Variants in LANCL2 observed in about 807,000 individuals in gnomAD.
The protein encoded by LANCL2 is lanC-like protein 2.
In LANCL2, 33 loss-of-function variants were observed where a neutral mutation model predicts 56.9. The ratio of observed to expected loss-of-function variants is 0.58; its 90% confidence interval spans 0.44 to 0.78. LANCL2 has a LOEUF of 0.78. LANCL2 is among the 30% of genes least tolerant of loss of function. The pLI, the probability that LANCL2 is intolerant of heterozygous loss-of-function variation, is 0.00. For missense variants in LANCL2, 562 were observed against 580.2 expected (o/e 0.97, Z 0.32); for synonymous variants, 233 against 228.2 (o/e 1.02, Z -0.19).
At chr7:55,405,991 A>G (rs1790402157) in intron 5 of LANCL2, among the ~76,000 whole-genome samples, 3 of 152,124 alleles carry the variant, frequency 2.0e-5, no homozygotes, top group Non-Finnish European at 4.4e-5. Flanking sequence ...TGTGGAAAGG[A>G]GGGCTTTGTT....
At chr7:55,378,378 T>G (rs1790026710) in intron 1 of LANCL2, among the ~76,000 whole-genome samples, 3 of 152,086 alleles carry the variant, frequency 2.0e-5, no homozygotes. Context: ...AAGAATCACT[T>G]GAACCCAGGA....
In LANCL2 at chr7:55,431,299, T is replaced by G; in HGVS notation, c.1332T>G (p.Leu444=). 6.2e-7 allele frequency: 1 copy of G among 1,613,728 alleles called. No individual in the cohort carries two copies. Among genetic ancestry groups the G allele is most frequent in the Non-Finnish European group, 8.5e-7 (1 of 1,179,796 alleles). Residue 444 remains leucine, a synonymous_variant, in exon 9 of 9, where the codon CTT becomes CTG. Coordinates refer to ENST00000254770, the MANE Select transcript of LANCL2 (RefSeq NM_018697.4). The part of the protein sequence containing the change: ...PETSRFPAFE[L]DSSKRD ...CATCACGGTTTCCAGCATTTGAACT[T>G]GACTCTTCGAAGAGGGATTAAAAGG...
rs574291860 is a variant in LANCL2 at position 55,366,622 on chromosome 7, G to A, written c.204+393G>A. Among the ~76,000 whole-genome samples, 3 of 152,292 alleles carry A rather than the reference G, an allele frequency of 2.0e-5. No individual in the cohort carries two copies. The East Asian group carries it at 5.8e-4, about 30-fold the overall frequency. ...GTGGCCTGGAGGCTGGATTTCCTTGGCCATATCTGGTCCCTGGGCTCTCGC... is the reference window on the plus strand; with the variant it reads ...GTGGCCTGGAGGCTGGATTTCCTTGACCATATCTGGTCCCTGGGCTCTCGC... On this transcript the variant is annotated intron_variant, in intron 1 of 8. Coordinates refer to ENST00000254770, the MANE Select transcript of LANCL2 (RefSeq NM_018697.4).
At chr7:55,401,545 A>ATTT (rs1562863981) in intron 5 of LANCL2, among the ~76,000 whole-genome samples, 19 of 31,874 alleles carry the variant, frequency 6.0e-4, no homozygotes, top group Admixed American at 1.6e-3. Context: ...TTTTTTTCCA[A>ATTT]TTTTCTTTTT....
chr7:55,373,922 T>A (rs148143299), intron 1 of LANCL2, among the ~76,000 whole-genome samples: 34 of 152,358 alleles, frequency 2.2e-4, no homozygotes, highest in African/African-American at 7.7e-4. Context: ...CAAATTTTGC[T>A]TGAATAGAAT....
chr7:55,391,174 G>A (rs531259624), intron 1 of LANCL2, among the ~76,000 whole-genome samples: 64 of 144,150 alleles, frequency 4.4e-4, no homozygotes, highest in Middle Eastern at 3.5e-3. Context: ...CCGCCACCAC[G>A]CCCGGCTAAT....
rs1790735093 is a variant in LANCL2 at position 55,431,976 on chromosome 7, G to A, written c.*656G>A. ...CAGCTCTGTCAGGGCCCCATTCCCA[G>A]CAGAGGCTTCAGGTGCTTTGTGTAG... On this transcript the variant is annotated 3_prime_UTR_variant, in exon 9 of 9. Transcript: ENST00000254770. 1 of 152,232 alleles carries A rather than the reference G, an allele frequency of 6.6e-6. No individual in the cohort carries two copies. The allele number at this position is 152,232 out of a possible 1,614,324, so 9.4% of individuals were successfully genotyped here.
Position 55,398,440 on chromosome 7 carries a change from C to A in LANCL2, c.340C>A (p.Leu114Met). 1 of 1,613,868 alleles carries A rather than the reference C, an allele frequency of 6.2e-7. No individual in the cohort carries two copies. Among genetic ancestry groups the A allele is most frequent in the Non-Finnish European group, 8.5e-7 (1 of 1,179,780 alleles). The part of the protein sequence containing the change: ...TGWTGIALLY[L>M]QLYRVTCDQT... ...TATTCCAGGCATAGCCCTTTTGTAC[C>A]TGCAGTTGTACCGGGTCACATGTGA... Residue 114 changes from leucine to methionine, a missense_variant, in exon 3 of 9, where the codon CTG becomes ATG. By Grantham distance (15) the Leu-to-Met change is conservative. Transcript: ENST00000254770.
In LANCL2 at chr7:55,415,621, C is replaced by CTTTTTTTTTT. The variant is rs71031852; in HGVS notation, c.1008+3540_1008+3541insTTTTTTTTTT. On this transcript the variant is annotated intron_variant, in intron 6 of 8. Coordinates refer to ENST00000254770, the MANE Select transcript of LANCL2 (RefSeq NM_018697.4). ...CCATAGTTTATCATTGTTTTTCTTT[C>CTTTTTTTTTT]TTTTTTTTGAGACACAGTGTCGCTC... Among the ~76,000 whole-genome samples, 12 of 111,804 alleles carry CTTTTTTTTTT rather than the reference C, an allele frequency of 1.1e-4. 1 individual carries two copies. The highest frequency in any genetic ancestry group is 4.4e-4 in the Admixed American group (4 of 9,008). 73.3% of individuals were successfully genotyped at this position (111,804 alleles called of 152,430 possible).
At chr7:55,393,368 C>CT (rs1192471374) in intron 2 of LANCL2, among the ~76,000 whole-genome samples, 8 of 152,120 alleles carry the variant, frequency 5.3e-5, no homozygotes, top group Non-Finnish European at 1.2e-4. Context: ...CCTGTCTCTA[C>CT]TAAAAATACG....
chr7:55,423,473 A>G (rs1392254443), intron 6 of LANCL2, among the ~76,000 whole-genome samples: 3 of 152,206 alleles, frequency 2.0e-5, no homozygotes, highest in Non-Finnish European at 4.4e-5. Flanking sequence ...CTTCTCACCC[A>G]TTAGCTTTGA....
chr7:55,407,206 A>C (rs1200787212), intron 5 of LANCL2, among the ~76,000 whole-genome samples: 3 of 152,200 alleles, frequency 2.0e-5, no homozygotes, highest in Admixed American at 6.5e-5. Flanking sequence ...AATTCAGGAA[A>C]GCCAGATGTA....
At chr7:55,376,441 C>G (rs1054254103) in intron 1 of LANCL2, among the ~76,000 whole-genome samples, 6 of 152,170 alleles carry the variant, frequency 3.9e-5, no homozygotes, top group African/African-American at 1.4e-4. Flanking sequence ...TCAGGGCCTT[C>G]TAGTCCACAC....
chr7:55,385,389 G>A (rs6593243), intron 1 of LANCL2, among the ~76,000 whole-genome samples: 1 of 152,012 alleles, frequency 6.6e-6, no homozygotes, highest in African/African-American at 2.4e-5. Flanking sequence ...CAGGGGACCT[G>A]CCCCGATAAT....
chr7:55,427,266 C>T (rs1205840558), intron 7 of LANCL2, among the ~76,000 whole-genome samples: 1 of 152,162 alleles, frequency 6.6e-6, no homozygotes, highest in Admixed American at 6.5e-5. Flanking sequence ...AGCCTCAGCA[C>T]TAATATTTTT....
intron 5 of LANCL2, among the ~76,000 whole-genome samples, chr7:55,401,550 C>CTTTTT (rs58797958): frequency 3.9e-5 from 2 of 51,310 alleles, no homozygotes; most frequent in East Asian, 6.4e-4. Flanking sequence ...TTCCAATTTT[C>CTTTTT]TTTTTTTTTT....
At chr7:55,391,297 C>T (rs1157546773) in intron 1 of LANCL2, among the ~76,000 whole-genome samples, 1 of 152,076 alleles carries the variant, frequency 6.6e-6, no homozygotes, top group Admixed American at 6.5e-5. Flanking sequence ...GGATTACAGG[C>T]GTGAGCCACC....
intron 1 of LANCL2, among the ~76,000 whole-genome samples, chr7:55,366,762 C>T (rs994354133): frequency 6.6e-6 from 1 of 152,186 alleles, no homozygotes; most frequent in Non-Finnish European, 1.5e-5. Flanking sequence ...GTTACATTGA[C>T]ATAAAACAGA....
chr7:55,422,260 C>T (rs546331461), intron 6 of LANCL2, among the ~76,000 whole-genome samples: 29 of 152,224 alleles, frequency 1.9e-4, no homozygotes, highest in African/African-American at 7.0e-4. Context: ...GTTTTTATTT[C>T]ACCTTTATTC....
Sources: gnomAD v4.1 joint callset for allele counts (sites outside exome capture counted in the v4.1 genomes callset) on GRCh38, gnomAD v4.1.1 for gene constraint, MANE v1.5 for transcripts, NCBI Gene and HGNC (gene_info 2026-07-23, HGNC 2026-07-21) for gene names.